DHRSX: variants seen among roughly 807,000 people sequenced by gnomAD.
DHRSX encodes dehydrogenase/reductase X-linked.
In DHRSX, 31 loss-of-function variants were observed where a neutral mutation model predicts 34.0. That is an observed-to-expected ratio of 0.91 (90% CI 0.69 to 1.23). The LOEUF is 1.23. Ranked by LOEUF, DHRSX falls within the 50% of genes most tolerant of loss-of-function variation. The pLI is 0.00. For missense variants in DHRSX, 414 were observed against 428.1 expected (o/e 0.97, Z 0.29); for synonymous variants, 201 against 183.8 (o/e 1.09, Z -0.76).
chrX:2,306,809 A>C (rs184607902), intron 3 of DHRSX, among the ~76,000 whole-genome samples: 2 of 152,102 alleles, frequency 1.3e-5, no homozygotes, highest in Non-Finnish European at 2.9e-5. Context: ...GTTTTGTAGA[A>C]TAAGTTAGGG....
chrX:2,345,319 C>T (rs2042691366), intron 3 of DHRSX, among the ~76,000 whole-genome samples: 2 of 151,764 alleles, frequency 1.3e-5, no homozygotes, highest in South Asian at 4.2e-4. Flanking sequence ...GGTGGGTAGG[C>T]CTGGTCTAAT....
intron 1 of DHRSX, among the ~76,000 whole-genome samples, chrX:2,491,633 C>A (rs2045148621): frequency 6.6e-6 from 1 of 152,194 alleles, no homozygotes; most frequent in African/African-American, 2.4e-5. Flanking sequence ...AGAGGCACTG[C>A]ACACTCTTCT....
At chrX:2,325,757 C>A (rs1219386874) in intron 3 of DHRSX, among the ~76,000 whole-genome samples, 1 of 152,196 alleles carries the variant, frequency 6.6e-6, no homozygotes, top group East Asian at 1.9e-4. Flanking sequence ...TGAGACACCG[C>A]CTCCTCAAAC....
At chrX:2,309,697 G>A (rs765857537) in intron 3 of DHRSX, among the ~76,000 whole-genome samples, 2 of 152,180 alleles carry the variant, frequency 1.3e-5, no homozygotes, top group South Asian at 4.1e-4. Flanking sequence ...GATTGCTTGA[G>A]GCCAGTTCAA....
chrX:2,354,433 C>G (rs904919147), intron 3 of DHRSX, among the ~76,000 whole-genome samples: 1 of 152,178 alleles, frequency 6.6e-6, no homozygotes, highest in Non-Finnish European at 1.5e-5. Flanking sequence ...CAATCACTAC[C>G]CACAGCCTCC....
At chrX:2,294,620 G>A (rs1244701408) in intron 3 of DHRSX, among the ~76,000 whole-genome samples, 7 of 150,404 alleles carry the variant, frequency 4.7e-5, no homozygotes, top group South Asian at 2.1e-4. Flanking sequence ...AGCCGAGGTC[G>A]CGCCACTGCA....
intron 1 of DHRSX, among the ~76,000 whole-genome samples, chrX:2,448,010 C>T (rs762710450): frequency 5.5e-4 from 83 of 150,552 alleles, no homozygotes; most frequent in African/African-American, 1.9e-3. Flanking sequence ...GCCTGGGCAA[C>T]GTAATGAAAC....
intron 1 of DHRSX, among the ~76,000 whole-genome samples, chrX:2,443,171 C>A (rs2044083725): frequency 6.6e-6 from 1 of 152,042 alleles, no homozygotes. Context: ...TAGCTGGGAG[C>A]AGATGCACAC....
intron 3 of DHRSX, among the ~76,000 whole-genome samples, chrX:2,398,766 T>C (rs1383642009): frequency 6.7e-6 from 1 of 148,882 alleles, no homozygotes; most frequent in Non-Finnish European, 1.5e-5. Flanking sequence ...GCCTCCCAGG[T>C]TCAAGCAATT....
chrX:2,249,602 C>T (rs980214223), intron 5 of DHRSX, among the ~76,000 whole-genome samples: 7 of 141,022 alleles, frequency 5.0e-5, no homozygotes, highest in East Asian at 2.1e-4. Flanking sequence ...CAGCTCACTG[C>T]GACCTCCACC....
chrX:2,229,877 CTG>C (rs1372732237), intron 6 of DHRSX, among the ~76,000 whole-genome samples: 4 of 152,024 alleles, frequency 2.6e-5, no homozygotes, highest in African/African-American at 7.3e-5. Flanking sequence ...ATGTGCATGT[CTG>C]TATGTATATG....
At chrX:2,380,888 C>T (rs950979403) in intron 3 of DHRSX, among the ~76,000 whole-genome samples, 1 of 152,086 alleles carries the variant, frequency 6.6e-6, no homozygotes, top group African/African-American at 2.4e-5. Context: ...TTTTTTGAGA[C>T]GGAGTCTCAC....
chrX:2,325,442 G>C (rs985189853), intron 3 of DHRSX, among the ~76,000 whole-genome samples: 1 of 152,100 alleles, frequency 6.6e-6, no homozygotes, highest in Admixed American at 6.6e-5. Context: ...GCAGGAACTA[G>C]AGACTAGACA....
intron 5 of DHRSX, among the ~76,000 whole-genome samples, chrX:2,262,031 C>T (rs2041370090): frequency 6.6e-6 from 1 of 152,184 alleles, no homozygotes. Context: ...TCCCTCCTCC[C>T]TTCTCCCAGG....
At chrX:2,330,422 G>C (rs952957915) in intron 3 of DHRSX, among the ~76,000 whole-genome samples, 1 of 151,602 alleles carries the variant, frequency 6.6e-6, no homozygotes, top group African/African-American at 2.4e-5. Flanking sequence ...TCAGGAGGCT[G>C]AGGCAGAAGA....
At chrX:2,239,665 A>T (rs1195247824) in intron 6 of DHRSX, among the ~76,000 whole-genome samples, 3 of 152,094 alleles carry the variant, frequency 2.0e-5, no homozygotes, top group African/African-American at 7.2e-5. Context: ...TTTACTCGGG[A>T]GGCTGAGGCA....
chrX:2,312,967 G>A (rs1478207329), intron 3 of DHRSX, among the ~76,000 whole-genome samples: 1 of 151,602 alleles, frequency 6.6e-6, no homozygotes, highest in East Asian at 1.9e-4. Flanking sequence ...CCTTGTTCCT[G>A]TAAGCAACCC....
chrX:2,361,829 A>G (rs2042937776), intron 3 of DHRSX, among the ~76,000 whole-genome samples: 1 of 152,222 alleles, frequency 6.6e-6, no homozygotes, highest in Non-Finnish European at 1.5e-5. Context: ...TAGGCAGAAA[A>G]TGCAAATATC....
intron 1 of DHRSX, among the ~76,000 whole-genome samples, chrX:2,474,926 T>C (rs766505465): frequency 5.2e-4 from 78 of 151,092 alleles, no homozygotes; most frequent in South Asian, 2.5e-3. Context: ...CTGAAGACGT[T>C]CCCTAAAAAT....
Sources: allele counts gnomAD v4.1 joint callset (sites outside exome capture counted in the v4.1 genomes callset), GRCh38; gene constraint gnomAD v4.1.1; transcripts MANE v1.5; gene names NCBI Gene and HGNC (gene_info 2026-07-23, HGNC 2026-07-21).